CASZ1: variants seen among roughly 807,000 people sequenced by gnomAD.
CASZ1 encodes zinc finger protein castor homolog 1.
A neutral mutation model predicts 135.2 loss-of-function variants in CASZ1; 28 were observed. The observed-to-expected ratio is 0.21, with a 90% CI of 0.15 to 0.28. The LOEUF (loss-of-function observed/expected upper bound fraction) is 0.28. CASZ1 is among the 10% of genes least tolerant of loss of function. The pLI, the probability that CASZ1 is intolerant of heterozygous loss-of-function variation, is 1.00. For missense variants in CASZ1, 2,161 were observed against 2,453.3 expected (o/e 0.88, Z 2.52); for synonymous variants, 1,068 against 1,073.4 (o/e 0.99, Z 0.10).
chr1:10,685,759 C>T (rs890463652), intron 4 of CASZ1, among the ~76,000 whole-genome samples: 2 of 152,258 alleles, frequency 1.3e-5, no homozygotes, highest in Admixed American at 1.3e-4. Flanking sequence ...CAGCCTCCCC[C>T]TGTCCACTCC....
intron 2 of CASZ1, among the ~76,000 whole-genome samples, chr1:10,745,477 G>C (rs944987724): frequency 6.6e-6 from 1 of 152,202 alleles, no homozygotes; most frequent in African/African-American, 2.4e-5. Flanking sequence ...GGGGACTCAA[G>C]GGGGTGTGGG....
At chr1:10,736,078 C>T (rs767103097) in intron 2 of CASZ1, among the ~76,000 whole-genome samples, 1 of 152,148 alleles carries the variant, frequency 6.6e-6, no homozygotes, top group Non-Finnish European at 1.5e-5. Context: ...GTCCCAGTGG[C>T]CACACCCAAC....
intron 2 of CASZ1, among the ~76,000 whole-genome samples, chr1:10,708,240 T>C (rs1639215616): frequency 6.6e-6 from 1 of 152,186 alleles, no homozygotes; most frequent in South Asian, 2.1e-4. Flanking sequence ...TCTGACCTCC[T>C]TCCTCCTGTC....
At chr1:10,680,937 G>A (rs577537594) in intron 4 of CASZ1, among the ~76,000 whole-genome samples, 9 of 152,110 alleles carry the variant, frequency 5.9e-5, no homozygotes, top group Non-Finnish European at 1.3e-4. Context: ...GTCTTACTCT[G>A]TCGCCCAGGC....
In CASZ1 at chr1:10,649,324, AACC is replaced by A; in HGVS notation, c.2991_2993del (p.Val998del). On this transcript the variant is annotated inframe_deletion, in exon 14 of 21. Coordinates refer to ENST00000377022, the MANE Select transcript of CASZ1 (RefSeq NM_001079843.3). ...TCCAGGGCTCTGCCAACTTCTCCTG[AACC>A]AGCGCCTTCACGGCCTTGCCTAGGA... 6.3e-7 allele frequency: 1 copy of A among 1,597,078 alleles called. No homozygotes were observed. Among genetic ancestry groups the A allele is most frequent in the South Asian group, 1.1e-5 (1 of 88,736 alleles).
rs77678229 is a variant in CASZ1, at chr1:10,699,123, C to G, written c.-23-5211G>C. Among the ~76,000 whole-genome samples the G allele has an allele frequency of 2.7e-3, 412 of 152,198 alleles. 14 individuals are homozygous for G. In the East Asian group the frequency reaches 0.066, roughly 24 times the overall value. ...CTTGCTCCAGGGCGTTCTCAGGGGC[C>G]CATGAGGCCTGGCAGGGTACCAGCC... is the stretch of plus-strand genomic sequence containing the variant. On this transcript the variant is annotated intron_variant, in intron 3 of 20. Coordinates refer to ENST00000377022, the MANE Select transcript of CASZ1 (RefSeq NM_001079843.3). This position sits in a 1 kb window ranked among gnomAD's most constrained non-coding sequence, Gnocchi z 4.6.
rs570267616 is a variant in CASZ1, at chr1:10,649,742, C to T, written c.2881-305G>A. ...AGGGTGCACGCTGCAGCCCATCTTTCCCCAGACTTCGCGGCTCCCTGGTTA... is the reference window on the plus strand; with the variant it reads ...AGGGTGCACGCTGCAGCCCATCTTTTCCCAGACTTCGCGGCTCCCTGGTTA... On this transcript the variant is annotated intron_variant, in intron 13 of 20. Coordinates refer to ENST00000377022, the MANE Select transcript of CASZ1 (RefSeq NM_001079843.3). 1.0e-3 allele frequency: 320 copies of T among 306,122 alleles called. 1 individual carries two copies. The highest frequency in any genetic ancestry group is 5.7e-3 in the African/African-American group (267 of 46,870). The allele number at this position is 306,122 out of a possible 1,614,324, so 19.0% of individuals were successfully genotyped here.
At chr1:10,738,823 C>A (rs577691335) in intron 2 of CASZ1, among the ~76,000 whole-genome samples, 4 of 150,520 alleles carry the variant, frequency 2.7e-5, no homozygotes, top group Non-Finnish European at 5.9e-5. Context: ...TATGCTAATG[C>A]ATGCAAATTA....
In CASZ1 at chr1:10,720,179, C is replaced by T. The variant is rs114510147; in HGVS notation, c.-76-14635G>A. On this transcript the variant is annotated intron_variant, in intron 2 of 20. Coordinates refer to ENST00000377022, the MANE Select transcript of CASZ1 (RefSeq NM_001079843.3). The surrounding 1 kb of genome is among the most constrained non-coding windows in gnomAD (Gnocchi z 5.7). ...AATTTCCTTGTCTATAAAATGCACG[C>T]GATGATCGTGCCTGTCGCAGGGGGC... 7.3e-3 allele frequency among the ~76,000 whole-genome samples: 1,113 copies of T among 152,222 alleles called. 17 individuals are homozygous for T. The highest frequency in any genetic ancestry group is 0.026 in the African/African-American group (1,077 of 41,512).
chr1:10,680,564 A>C (rs1638382751), intron 4 of CASZ1, among the ~76,000 whole-genome samples: 1 of 152,176 alleles, frequency 6.6e-6, no homozygotes, highest in South Asian at 2.1e-4. Context: ...CTCCAGCATT[A>C]CTGTGTCACA....
rs1642007401 is a variant in CASZ1, at chr1:10,636,741, TTAA to T, written c.*2198_*2200del. 1 of 152,330 alleles carries T rather than the reference TTAA, an allele frequency of 6.6e-6. No homozygotes were observed. The highest frequency in any genetic ancestry group is 2.4e-5 in the African/African-American group (1 of 41,390). The allele number at this position is 152,330 out of a possible 1,614,324, so 9.4% of individuals were successfully genotyped here. ...ATTCAAGTGGAAAAATATTCAGTTCTTAATAACCAGGTGCCGAGGAGACCAGAT... is the reference window on the plus strand; with the variant it reads ...ATTCAAGTGGAAAAATATTCAGTTCTTAACCAGGTGCCGAGGAGACCAGAT... On this transcript the variant is annotated 3_prime_UTR_variant, in exon 21 of 21. Transcript: ENST00000377022.
intron 2 of CASZ1, among the ~76,000 whole-genome samples, chr1:10,715,696 A>G (rs373993234): frequency 7.1e-5 from 9 of 125,938 alleles, no homozygotes; most frequent in African/African-American, 2.8e-4. Flanking sequence ...GCAGCACCCA[A>G]TCCACACCCC....
At chr1:10,678,257 G>A (rs528843) in intron 4 of CASZ1, among the ~76,000 whole-genome samples, 1 of 152,376 alleles carries the variant, frequency 6.6e-6, no homozygotes, top group Admixed American at 6.5e-5. Context: ...CCATGACGAG[G>A]ACATGAGGGG....
intron 1 of CASZ1, among the ~76,000 whole-genome samples, chr1:10,775,910 C>G (rs936139725): frequency 8.5e-5 from 13 of 152,144 alleles, no homozygotes; most frequent in Non-Finnish European, 7.3e-5. Context: ...CCCAATCAGG[C>G]CCCCAAGTAC....
chr1:10,642,545 C>T lies in CASZ1; in HGVS notation c.4162+314G>A, dbSNP rs145865899. The stretch of plus-strand genomic sequence containing the variant: ...CGTGGGCAGGTGTGCCGGGCAGGAC[C>T]GGCGCTGGGCCCAGGCCGGGTGGGA... On this transcript the variant is annotated intron_variant, in intron 20 of 20. Transcript: ENST00000377022. Among the ~76,000 whole-genome samples, 419 of 151,962 alleles carry T rather than the reference C, an allele frequency of 2.8e-3. 3 individuals carry two copies. The highest frequency in any genetic ancestry group is 9.6e-3 in the African/African-American group (399 of 41,460).
At position 10,774,364 on chromosome 1, in the gene CASZ1, G is replaced by C. The variant is rs74773993; in HGVS notation, c.-233-13507C>G. On this transcript the variant is annotated intron_variant, in intron 1 of 20. Coordinates refer to ENST00000377022, the MANE Select transcript of CASZ1 (RefSeq NM_001079843.3). This position sits in a 1 kb window ranked among gnomAD's most constrained non-coding sequence, Gnocchi z 4.4. ...ACACTGTCAAATCTGCCCTGGCCTT[G>C]GCCAGGGCCAAGTTCAGGGCCTCCC... Among the ~76,000 whole-genome samples, 4,168 of 152,174 alleles carry C rather than the reference G, an allele frequency of 0.027. 93 individuals carry two copies. The highest frequency in any genetic ancestry group is 0.096 in the South Asian group (463 of 4,812).
At chr1:10,680,810 C>A (rs144924618) in intron 4 of CASZ1, among the ~76,000 whole-genome samples, 2 of 152,266 alleles carry the variant, frequency 1.3e-5, no homozygotes, top group Non-Finnish European at 2.9e-5. Context: ...GGAAAGCAGA[C>A]GCAGCCCCAG....
intron 4 of CASZ1, among the ~76,000 whole-genome samples, chr1:10,680,787 G>A (rs923882795): frequency 6.6e-6 from 1 of 152,222 alleles, no homozygotes; most frequent in South Asian, 2.1e-4. Flanking sequence ...CCAGCAACAG[G>A]GACTAGGAAG....
intron 6 of CASZ1, among the ~76,000 whole-genome samples, chr1:10,659,265 G>T (rs2100254460): frequency 6.6e-6 from 1 of 152,324 alleles, no homozygotes; most frequent in Middle Eastern, 3.4e-3. Flanking sequence ...CCAACCACAG[G>T]CCTGCATTCA....
Sources: allele counts gnomAD v4.1 joint callset (sites outside exome capture counted in the v4.1 genomes callset), GRCh38; gene constraint gnomAD v4.1.1; non-coding constraint Gnocchi (gnomAD v3.1); transcripts MANE v1.5; gene names NCBI Gene and HGNC (gene_info 2026-07-23, HGNC 2026-07-21).